Variants in CABP1 observed in about 807,000 individuals in gnomAD.
CABP1 encodes calcium binding protein 1, also known as calcium-binding protein 1.
CABP1 carries 17 observed loss-of-function variants against 34.3 expected under a neutral mutation model. The observed-to-expected ratio is 0.50, with a 90% confidence interval of 0.34 to 0.74. CABP1 has a LOEUF of 0.74. Ranked by LOEUF, CABP1 falls within the 30% of genes least tolerant of loss-of-function variation. The probability of loss-of-function intolerance (pLI) is 0.01; values close to 1 mark genes in which losing one functional copy is unlikely to be tolerated. For synonymous variants in CABP1, 198 were observed against 229.2 expected (o/e 0.86, Z 1.23); for missense variants, 373 against 511.1 (o/e 0.73, Z 2.61).
chr12:120,653,692 C>A (rs1402125194), intron 1 of CABP1, among the ~76,000 whole-genome samples: 2 of 152,152 alleles, frequency 1.3e-5, no homozygotes, highest in African/African-American at 4.8e-5. Flanking sequence ...CGCCACCACA[C>A]GCGGCTAATT....
At chr12:120,659,949 C>T (rs1880520821) in intron 2 of CABP1, 41 bp downstream of exon 2, 2 of 1,600,504 alleles carry the variant, frequency 1.2e-6, no homozygotes, top group African/African-American at 1.3e-5. Context: ...GCCTAGCCCT[C>T]TAGGAAGGTG....
At chr12:120,644,859 C>A (rs1001541646) in intron 1 of CABP1, among the ~76,000 whole-genome samples, 4 of 152,146 alleles carry the variant, frequency 2.6e-5, no homozygotes, top group African/African-American at 9.7e-5. Flanking sequence ...GACTAGAGTG[C>A]AGTGGTATGA....
chr12:120,643,433 A>G (rs1031187690), intron 1 of CABP1, among the ~76,000 whole-genome samples: 2 of 152,336 alleles, frequency 1.3e-5, no homozygotes, highest in East Asian at 3.9e-4. Context: ...GCAGGGTCAG[A>G]ACCAAGAGAA....
At chr12:120,649,048 C>T (rs1879681554) in intron 1 of CABP1, among the ~76,000 whole-genome samples, 1 of 151,968 alleles carries the variant, frequency 6.6e-6, no homozygotes, top group East Asian at 1.9e-4. Flanking sequence ...CAATACCCGC[C>T]CCCCAGGCTC....
At chr12:120,675,836 G>A in the CABP1 span, among the ~76,000 whole-genome samples, 1 of 152,302 alleles carries the variant, frequency 6.6e-6, no homozygotes, top group Non-Finnish European at 1.5e-5. Flanking sequence ...GGCACTTTGG[G>A]AGACCAAGGC....
chr12:120,673,751 A>G, the CABP1 span, among the ~76,000 whole-genome samples: 1 of 152,198 alleles, frequency 6.6e-6, no homozygotes, highest in South Asian at 2.1e-4. Flanking sequence ...ATGATGTTAT[A>G]GGGAGGCAGG....
At chr12:120,664,161 G>A (rs1236615750) in intron 5 of CABP1, among the ~76,000 whole-genome samples, 1 of 152,212 alleles carries the variant, frequency 6.6e-6, no homozygotes, top group Non-Finnish European at 1.5e-5. Flanking sequence ...CATCCTACGA[G>A]GATGCATTGT....
intron 1 of CABP1, among the ~76,000 whole-genome samples, chr12:120,654,297 T>C (rs1880028868): frequency 6.6e-6 from 1 of 152,126 alleles, no homozygotes; most frequent in South Asian, 2.1e-4. Flanking sequence ...CCACCCTCTC[T>C]AGGCCTGGAA....
intron 5 of CABP1, among the ~76,000 whole-genome samples, chr12:120,666,473 CAAAAAAAAAAAAA>C: frequency 2.5e-5 from 2 of 81,130 alleles, no homozygotes; most frequent in South Asian, 8.1e-4. Context: ...GACTCCATCT[CAAAAAAAAAAAAA>C]AAAAAAAAAT....
chr12:120,655,979 T>A, intron 1 of CABP1: 1 of 1,559,588 alleles, frequency 6.4e-7, no homozygotes. Flanking sequence ...TGAACCCCGC[T>A]CCTTGACTCT....
intron 2 of CABP1, 40 bp downstream of exon 2, chr12:120,659,948 T>A: frequency 6.3e-7 from 1 of 1,599,720 alleles, no homozygotes; most frequent in Non-Finnish European, 8.5e-7. Context: ...TGCCTAGCCC[T>A]CTAGGAAGGT....
chr12:120,675,332 C>T, the CABP1 span, among the ~76,000 whole-genome samples: 4 of 152,266 alleles, frequency 2.6e-5, no homozygotes, highest in East Asian at 7.7e-4. Context: ...GGATTACAGG[C>T]GTATGCCACT....
chr12:120,640,677 C>T lies in CABP1; in HGVS notation c.-9C>T. On this transcript the variant is annotated 5_prime_UTR_variant, in exon 1 of 6. Transcript: ENST00000316803. The surrounding 1 kb of genome is among the most constrained non-coding windows in gnomAD (Gnocchi z 6.2). ...CTCCGGGCTCCGGGCGTAGAGGCTG[C>T]GCTGTCACATGGGCGGCGGCGACGG... 1 of 1,137,430 alleles carries T rather than the reference C, an allele frequency of 8.8e-7. No homozygotes were observed. Among genetic ancestry groups the T allele is most frequent in the Non-Finnish European group, 1.1e-6 (1 of 928,450 alleles). 70.5% of individuals were successfully genotyped at this position (1,137,430 alleles called of 1,614,324 possible).
At chr12:120,650,656 T>C (rs1879787917) in intron 1 of CABP1, 1 of 1,614,000 alleles carries the variant, frequency 6.2e-7, no homozygotes, top group Admixed American at 1.7e-5. Flanking sequence ...CTGTGTCAAG[T>C]ATCCACTGAG....
At chr12:120,677,224 A>T in the CABP1 span, among the ~76,000 whole-genome samples, 1 of 150,930 alleles carries the variant, frequency 6.6e-6, no homozygotes, top group African/African-American at 2.4e-5. Context: ...AGTAGCTGGG[A>T]CCACAGGCGC....
chr12:120,667,237 G>A lies in CABP1; in HGVS notation c.*337G>A. On this transcript the variant is annotated 3_prime_UTR_variant, in exon 6 of 6. Transcript: ENST00000316803. ...ACCCCACACAGCATGTCCGCCCCAG[G>A]GCAAAGCCTCCCACCTTCGCTCTGC... 2 of 463,024 alleles carry A rather than the reference G, an allele frequency of 4.3e-6. No individual in the cohort carries two copies. The highest frequency in any genetic ancestry group is 7.9e-6 in the Non-Finnish European group (2 of 254,438). 28.7% of individuals were successfully genotyped at this position (463,024 alleles called of 1,614,324 possible). A position where few individuals can be genotyped will look rare whatever the true frequency, so the allele number is the denominator to read the frequency against.
At chr12:120,642,159 A>G (rs1483096260) in intron 1 of CABP1, among the ~76,000 whole-genome samples, 2 of 152,152 alleles carry the variant, frequency 1.3e-5, no homozygotes, top group South Asian at 2.1e-4. Flanking sequence ...ACTCCTGAGC[A>G]AAAAAGCCAG....
At position 120,661,137 on chromosome 12, in the gene CABP1, G is replaced by A; in HGVS notation, c.1006G>A (p.Gly336Ser). 1 of 1,613,314 alleles carries A rather than the reference G, an allele frequency of 6.2e-7. No individual in the cohort carries two copies. Among genetic ancestry groups the A allele is most frequent in the Non-Finnish European group, 8.5e-7 (1 of 1,179,866 alleles). Residue 336 changes from glycine to serine, a missense_variant, in exon 5 of 6, where the codon GGT becomes AGT. Around this residue, in one of 4 missense-constraint regions of CABP1, gnomAD observed 109 missense variants for 204.8 expected, o/e 0.53. Transcript: ENST00000316803. The surrounding 1 kb of genome is among the most constrained non-coding windows in gnomAD (Gnocchi z 5.1). ...GCGAGAGGCTATGAGGAAGCTCCTG[G>A]GTCATCAGGTGGGACACCGAGACAT... ...ELREAMRKLL[G>S]HQVGHRDIEE...
At chr12:120,654,652 AGTGC>A (rs1880053694) in intron 1 of CABP1, among the ~76,000 whole-genome samples, 1 of 646 alleles carries the variant, frequency 1.5e-3, no homozygotes, top group Admixed American at 0.019. Flanking sequence ...CCGAAGGCAG[AGTGC>A]AGGCCGAAGG....
Sources: gnomAD v4.1 joint callset for allele counts (sites outside exome capture counted in the v4.1 genomes callset) on GRCh38, gnomAD v4.1.1 for gene constraint, gnomAD v4.1.1 regional missense constraint, Gnocchi (gnomAD v3.1) non-coding constraint, MANE v1.5 for transcripts, NCBI Gene and HGNC (gene_info 2026-07-23, HGNC 2026-07-21) for gene names.